The following CCDC180 variants were observed in gnomAD, a reference collection of about 807,000 sequenced individuals.
CCDC180 encodes the protein coiled-coil domain containing 180, also known as coiled-coil domain-containing protein 180.
In CCDC180, 154 loss-of-function variants were observed where a neutral mutation model predicts 209.2. The ratio of observed to expected loss-of-function variants is 0.74; its 90% CI spans 0.65 to 0.84. The LOEUF is 0.84. Ranked by LOEUF, CCDC180 falls within the 40% of genes least tolerant of loss-of-function variation. The pLI is 0.00. For synonymous variants in CCDC180, 778 were observed against 749.1 expected (o/e 1.04, Z -0.63); for missense variants, 1,874 against 1,997.3 (o/e 0.94, Z 1.18).
At chr9:97,361,635 G>A in intron 26 of CCDC180, 91 bp from the exon 27 acceptor site, 2 of 1,362,812 alleles carry the variant, frequency 1.5e-6, no homozygotes, top group South Asian at 1.4e-5. Context: ...CTCCACTGAG[G>A]CAGGGTGGGA....
At chr9:97,341,957 C>G (rs535717278) in intron 18 of CCDC180, among the ~76,000 whole-genome samples, 1 of 152,344 alleles carries the variant, frequency 6.6e-6, no homozygotes, top group African/African-American at 2.4e-5. Context: ...GAGCAAGGCT[C>G]TGTGGGCATG....
rs556512669 is a variant in CCDC180 at position 97,331,726 on chromosome 9, T to C, written c.2274+959T>C. Among the ~76,000 whole-genome samples, 383 of 152,308 alleles carry C rather than the reference T, an allele frequency of 2.5e-3. 1 individual carries two copies. Among genetic ancestry groups the C allele is most frequent in the African/African-American group, 8.7e-3 (361 of 41,560 alleles). ...TTTTGAAAAGTGTCTGTTTGTGTCC[T>C]TTGCCCACTTTTGAATAGGGTTGTT... On this transcript the variant is annotated intron_variant, in intron 18 of 36. Coordinates refer to ENST00000529487, the MANE Select transcript of CCDC180 (RefSeq NM_020893.6).
In CCDC180 at chr9:97,376,429, C is replaced by T. The variant is rs545340583; in HGVS notation, c.4843-334C>T. ...TGGAAGGCCCAGCCTACCAAAAAAT[C>T]GGGAGCCCTGAGCTCCCGAGAGGCC... On this transcript the variant is annotated intron_variant, in intron 36 of 36. Transcript: ENST00000529487. 15 of 176,060 alleles carry T rather than the reference C, an allele frequency of 8.5e-5. No individual in the cohort carries two copies. In the South Asian group the frequency reaches 1.9e-3, roughly 22 times the overall value. 10.9% of individuals were successfully genotyped at this position (176,060 alleles called of 1,614,324 possible). A position where few individuals can be genotyped will look rare whatever the true frequency, so the allele number is the denominator to read the frequency against.
At chr9:97,349,746 C>A (rs562502748) in intron 21 of CCDC180, among the ~76,000 whole-genome samples, 2 of 152,212 alleles carry the variant, frequency 1.3e-5, no homozygotes, top group South Asian at 4.2e-4. Flanking sequence ...TCCAGAGAGG[C>A]CATTTGGGTT....
At chr9:97,320,765 G>A (rs1359793861) in intron 11 of CCDC180, among the ~76,000 whole-genome samples, 1 of 152,190 alleles carries the variant, frequency 6.6e-6, no homozygotes, top group Non-Finnish European at 1.5e-5. Context: ...TAGCGTGTGT[G>A]CTGACTGCTG....
At chr9:97,369,414 TTTATTTTATGTTATGTTATG>T (rs1356684905) in intron 31 of CCDC180, 72 of 134,942 alleles carry the variant, frequency 5.3e-4, no homozygotes, top group South Asian at 4.7e-3. Flanking sequence ...TATTTAAGCC[TTTATTTTATGTTATGTTATG>T]TTATGTTATG....
Position 97,351,686 on chromosome 9 carries a change from G to A in CCDC180, c.3002+1131G>A, listed in dbSNP as rs186806020. Reference sequence around the variant, plus strand: ...CTTATGTATACATGAGCAAAAAATTGTTAGTTTTGTACAGAAATGGAATCC... The same window carrying A: ...CTTATGTATACATGAGCAAAAAATTATTAGTTTTGTACAGAAATGGAATCC... On this transcript the variant is annotated intron_variant, in intron 22 of 36. Coordinates refer to ENST00000529487, the MANE Select transcript of CCDC180 (RefSeq NM_020893.6). Among the ~76,000 whole-genome samples, 3 of 150,808 alleles carry A rather than the reference G, an allele frequency of 2.0e-5. No individual in the cohort carries two copies. In the East Asian group the frequency reaches 5.9e-4, roughly 30 times the overall value.
At chr9:97,375,336 A>G in intron 35 of CCDC180, 118 bp from the exon 36 acceptor site, 2 of 1,336,272 alleles carry the variant, frequency 1.5e-6, no homozygotes, top group Non-Finnish European at 2.1e-6. Flanking sequence ...TTTCATTAAG[A>G]TATTTAAAGC....
At chr9:97,357,085 T>C (rs1459356650) in intron 24 of CCDC180, among the ~76,000 whole-genome samples, 1 of 152,274 alleles carries the variant, frequency 6.6e-6, no homozygotes, top group Non-Finnish European at 1.5e-5. Context: ...CTTCTTGTTA[T>C]GAAAGGTGAT....
intron 9 of CCDC180, among the ~76,000 whole-genome samples, chr9:97,318,074 A>G (rs1833235994): frequency 1.3e-5 from 2 of 152,212 alleles, no homozygotes; most frequent in South Asian, 2.1e-4. Flanking sequence ...GAAAGGCACT[A>G]TCATGAGTTC....
chr9:97,315,131 A>G (rs550310109), intron 8 of CCDC180, among the ~76,000 whole-genome samples, 185 bp downstream of exon 8: 2 of 152,242 alleles, frequency 1.3e-5, no homozygotes, highest in Non-Finnish European at 2.9e-5. Context: ...AGTCCTTGCT[A>G]TCTCTCTTTT....
chr9:97,359,420 G>A (rs1009027113), intron 25 of CCDC180, among the ~76,000 whole-genome samples: 2 of 152,180 alleles, frequency 1.3e-5, no homozygotes, highest in African/African-American at 4.8e-5. Context: ...TGGACAGTCT[G>A]CAGAGCGGTG....
At position 97,370,718 on chromosome 9, in the gene CCDC180, T is replaced by C; in HGVS notation, c.4428T>C (p.Ser1476=). 1 of 1,613,870 alleles carries C rather than the reference T, an allele frequency of 6.2e-7. No individual in the cohort carries two copies. Among genetic ancestry groups the C allele is most frequent in the Non-Finnish European group, 8.5e-7 (1 of 1,179,956 alleles). ...AAGAAATGGAGTCTCTACACTTAAGTGAAGAGGAAAGGCAGGAAGAGCTGG... is the reference window on the plus strand; with the variant it reads ...AAGAAATGGAGTCTCTACACTTAAGCGAAGAGGAAAGGCAGGAAGAGCTGG... ...HFQEMESLHL[S]EEERQEELDS... The change falls in exon 33 of 37, where the codon AGT becomes AGC. Residue 1476 remains serine (S), a synonymous_variant. Coordinates refer to ENST00000529487, the MANE Select transcript of CCDC180 (RefSeq NM_020893.6).
At chr9:97,316,392 T>C (rs573059260) in intron 8 of CCDC180, among the ~76,000 whole-genome samples, 1 of 152,302 alleles carries the variant, frequency 6.6e-6, no homozygotes, top group African/African-American at 2.4e-5. Flanking sequence ...GAATTTCTAG[T>C]CTCTGAGCTT....
intron 35 of CCDC180, 103 bp downstream of exon 35, chr9:97,374,751 GGAAAGGCATT>G: frequency 1.2e-6 from 1 of 858,994 alleles, no homozygotes; most frequent in Non-Finnish European, 1.9e-6. Context: ...GACAGACCTG[GGAAAGGCATT>G]GTGTTCTGAG....
chr9:97,349,028 A>G (rs1826349851), intron 20 of CCDC180, 83 bp from the exon 21 acceptor site: 1 of 1,286,908 alleles, frequency 7.8e-7, no homozygotes, highest in Admixed American at 2.4e-5. Flanking sequence ...TGGAAGAGGC[A>G]GCAGGCGGGC....
At chr9:97,344,853 AACCATT>A (rs910223788) in intron 19 of CCDC180, among the ~76,000 whole-genome samples, 2 of 152,172 alleles carry the variant, frequency 1.3e-5, no homozygotes, top group African/African-American at 4.8e-5. Flanking sequence ...CAAGAAATAG[AACCATT>A]ACCAGCCCTC....
At chr9:97,330,790 C>T in intron 18 of CCDC180, 23 bp downstream of exon 18, 1 of 1,575,426 alleles carries the variant, frequency 6.3e-7, no homozygotes, top group Non-Finnish European at 8.6e-7. Context: ...CTGATTCATT[C>T]TTGGGCATAG....
At chr9:97,346,874 G>A (rs1826275033) in intron 19 of CCDC180, among the ~76,000 whole-genome samples, 1 of 152,182 alleles carries the variant, frequency 6.6e-6, no homozygotes, top group South Asian at 2.1e-4. Context: ...ACAGTGCCCA[G>A]CCTAAATAAT....
Sources: gnomAD v4.1 joint callset for allele counts (sites outside exome capture counted in the v4.1 genomes callset) on GRCh38, gnomAD v4.1.1 for gene constraint, MANE v1.5 for transcripts, NCBI Gene and HGNC (gene_info 2026-07-23, HGNC 2026-07-21) for gene names.